The following RNF150 variants were observed in gnomAD, a reference collection of about 807,000 sequenced individuals.
RNF150 encodes ring finger protein 150.
Under a neutral mutation model 39.3 loss-of-function variants are expected in RNF150, and 24 were observed. The observed-to-expected ratio is 0.61, with a 90% confidence interval of 0.44 to 0.86. The LOEUF (loss-of-function observed/expected upper bound fraction) is 0.86. RNF150 is among the 40% of genes least tolerant of loss of function. The pLI is 0.00. For synonymous variants in RNF150, 255 were observed against 227.3 expected, an observed-to-expected ratio of 1.12 and a Z score of -1.10; for missense variants, 502 against 587.8, an observed-to-expected ratio of 0.85 and a Z score of 1.51.
At chr4:141,039,866 G>A (rs939713781) in intron 1 of RNF150, among the ~76,000 whole-genome samples, 2 of 152,058 alleles carry the variant, frequency 1.3e-5, no homozygotes, top group African/African-American at 4.8e-5. Flanking sequence ...GCCCAGGGGT[G>A]GAGATTTAAA....
intron 6 of RNF150, among the ~76,000 whole-genome samples, chr4:140,881,166 CTTT>C (rs540364079): frequency 1.4e-5 from 2 of 138,640 alleles, no homozygotes; most frequent in Non-Finnish European, 1.6e-5. Flanking sequence ...TTCCTTTGTA[CTTT>C]TTTTTTTTTT....
chr4:140,963,413 G>A (rs964173603), intron 2 of RNF150, among the ~76,000 whole-genome samples: 4 of 151,964 alleles, frequency 2.6e-5, no homozygotes, highest in Admixed American at 6.6e-5. Flanking sequence ...TACATGCACT[G>A]CCATATGGTG....
intron 1 of RNF150, among the ~76,000 whole-genome samples, chr4:140,980,338 C>T (rs965658175): frequency 7.2e-5 from 11 of 152,120 alleles, no homozygotes; most frequent in South Asian, 2.1e-4. Flanking sequence ...CCACCATGCC[C>T]GATCCCCTTT....
chr4:140,868,431 G>T, intron 6 of RNF150, 52 bp from the exon 7 acceptor site: 1 of 979,956 alleles, frequency 1.0e-6, no homozygotes. Context: ...GTCTTTGCAT[G>T]CTGCTTATTT....
At chr4:141,027,278 T>C (rs891418443) in intron 1 of RNF150, among the ~76,000 whole-genome samples, 2 of 152,224 alleles carry the variant, frequency 1.3e-5, no homozygotes, top group Non-Finnish European at 2.9e-5. Flanking sequence ...TAAGTCACGA[T>C]ACATGACAAA....
chr4:140,860,274 A>C lies in RNF150; in HGVS notation c.*7987T>G, dbSNP rs1474550375. Reference sequence around the variant, plus strand: ...TTTAAAAAACTACACTGCCTTAACTAATCATCTCAATATGCACACAACTTT... The same window carrying C: ...TTTAAAAAACTACACTGCCTTAACTCATCATCTCAATATGCACACAACTTT... On this transcript the variant is annotated 3_prime_UTR_variant, in exon 7 of 7. Transcript: ENST00000515673. 6.6e-6 allele frequency: 1 copy of C among 152,194 alleles called. No individual in the cohort carries two copies. Among genetic ancestry groups the C allele is most frequent in the Non-Finnish European group, 1.5e-5 (1 of 68,032 alleles). The allele number at this position is 152,194 out of a possible 1,614,324, so 9.4% of individuals were successfully genotyped here. A position where few individuals can be genotyped will look rare whatever the true frequency, so the allele number is the denominator to read the frequency against.
intron 1 of RNF150, among the ~76,000 whole-genome samples, chr4:141,076,183 A>G (rs1737889537): frequency 6.6e-6 from 1 of 152,200 alleles, no homozygotes; most frequent in Non-Finnish European, 1.5e-5. Flanking sequence ...TACAGGAAAA[A>G]TCATTTCCAG....
rs552590068 is a variant in RNF150, at chr4:140,911,387, C to T, written c.988-33G>A. The T allele has an allele frequency of 2.0e-5, 32 of 1,569,450 alleles. No homozygotes were observed. The East Asian group carries it at 6.3e-4, about 31-fold the overall frequency. ...GGCAGAAAAAGATCTGTTCTCAGTACATGTCATCCACTTAGAGATTAAATG... is the reference window on the plus strand; with the variant it reads ...GGCAGAAAAAGATCTGTTCTCAGTATATGTCATCCACTTAGAGATTAAATG... On this transcript the variant is annotated intron_variant, in intron 5 of 6. Coordinates refer to ENST00000515673, the MANE Select transcript of RNF150 (RefSeq NM_020724.2).
intron 6 of RNF150, among the ~76,000 whole-genome samples, chr4:140,875,839 T>A (rs1361336354): frequency 1.3e-5 from 2 of 152,184 alleles, no homozygotes; most frequent in African/African-American, 4.8e-5. Context: ...TTATGGTGGT[T>A]ATTCAAAGCT....
intron 1 of RNF150, among the ~76,000 whole-genome samples, chr4:141,200,737 G>A (rs138427277): frequency 2.0e-5 from 3 of 152,160 alleles, no homozygotes; most frequent in Admixed American, 1.3e-4. Context: ...AAAGATTAAG[G>A]GTAACTCACA....
intron 1 of RNF150, among the ~76,000 whole-genome samples, chr4:141,203,459 A>C: frequency 6.6e-6 from 1 of 151,736 alleles, no homozygotes; most frequent in Non-Finnish European, 1.5e-5. Context: ...TATAACAAAA[A>C]ATGTGGACTT....
At chr4:141,147,560 G>A (rs568239648) in intron 1 of RNF150, among the ~76,000 whole-genome samples, 1 of 152,186 alleles carries the variant, frequency 6.6e-6, no homozygotes, top group Non-Finnish European at 1.5e-5. Context: ...ATGTACACAA[G>A]GCAGAGGGAA....
intron 1 of RNF150, among the ~76,000 whole-genome samples, chr4:141,022,207 G>A (rs1334962781): frequency 6.6e-6 from 1 of 152,064 alleles, no homozygotes; most frequent in Non-Finnish European, 1.5e-5. Context: ...TCTTTGCACT[G>A]GGTTTTTTTT....
intron 2 of RNF150, among the ~76,000 whole-genome samples, chr4:140,964,663 G>A (rs1733163659): frequency 6.6e-6 from 1 of 151,920 alleles, no homozygotes; most frequent in African/African-American, 2.4e-5. Context: ...TGAATGGGAA[G>A]ATTAAACATC....
At chr4:141,198,438 A>G (rs1306923169) in intron 1 of RNF150, among the ~76,000 whole-genome samples, 2 of 152,232 alleles carry the variant, frequency 1.3e-5, no homozygotes, top group Non-Finnish European at 2.9e-5. Flanking sequence ...AAGTGTTTAC[A>G]TGAAGTCAGA....
At chr4:140,888,189 T>C (rs1429960644) in intron 6 of RNF150, among the ~76,000 whole-genome samples, 2 of 152,098 alleles carry the variant, frequency 1.3e-5, no homozygotes, top group Non-Finnish European at 2.9e-5. Context: ...AACTGGTATG[T>C]TGGGGGATGG....
At chr4:141,178,189 C>T (rs1370512992) in intron 1 of RNF150, among the ~76,000 whole-genome samples, 1 of 152,004 alleles carries the variant, frequency 6.6e-6, no homozygotes, top group African/African-American at 2.4e-5. Flanking sequence ...AGGACTGAAC[C>T]TTAGACAGAA....
At chr4:141,097,164 T>G (rs188668325) in intron 1 of RNF150, among the ~76,000 whole-genome samples, 10 of 152,326 alleles carry the variant, frequency 6.6e-5, no homozygotes, top group African/African-American at 2.4e-4. Context: ...TTGGGATTTT[T>G]TTTTTACTTC....
chr4:141,186,444 G>A (rs1728013988), intron 1 of RNF150, among the ~76,000 whole-genome samples: 1 of 152,078 alleles, frequency 6.6e-6, no homozygotes. Context: ...CTTTGCCCAG[G>A]CTGGAGTGCA....
Sources: gnomAD v4.1 joint callset for allele counts (sites outside exome capture counted in the v4.1 genomes callset) on GRCh38, gnomAD v4.1.1 for gene constraint, MANE v1.5 for transcripts, NCBI Gene and HGNC (gene_info 2026-07-23, HGNC 2026-07-21) for gene names.